TSHZ2: variants seen among roughly 807,000 people sequenced by gnomAD.
TSHZ2 encodes teashirt homolog 2.
In TSHZ2, 21 loss-of-function variants were observed where a neutral mutation model predicts 74.4. That is an observed-to-expected ratio of 0.28 (90% confidence interval 0.20 to 0.41). The LOEUF (loss-of-function observed/expected upper bound fraction) is 0.41, where lower values mean the gene tolerates loss of function less well. Ranked by LOEUF, TSHZ2 falls within the 10% of genes least tolerant of loss-of-function variation. The pLI is 1.00. For missense variants in TSHZ2, 1,244 were observed against 1,293.5 expected (o/e 0.96, Z 0.59); for synonymous variants, 540 against 515.3 (o/e 1.05, Z -0.65).
In TSHZ2 at chr20:53,203,153, C is replaced by T. The variant is rs144799428; in HGVS notation, c.41-50346C>T. 1.9e-3 allele frequency among the ~76,000 whole-genome samples: 284 copies of T among 151,766 alleles called. 8 individuals carry two copies. The East Asian group carries it at 0.051, about 27-fold the overall frequency. Reference sequence around the variant, plus strand: ...AAGCTGAGAGGACAAATGAAGTTCACAGGTGCAAGGCAGAGAACTGGGTCT... The same window carrying T: ...AAGCTGAGAGGACAAATGAAGTTCATAGGTGCAAGGCAGAGAACTGGGTCT... On this transcript the variant is annotated intron_variant, in intron 1 of 2. Coordinates refer to ENST00000371497, the MANE Select transcript of TSHZ2 (RefSeq NM_173485.6).
chr20:53,271,556 G>T (rs1489468980), intron 2 of TSHZ2, among the ~76,000 whole-genome samples: 1 of 152,174 alleles, frequency 6.6e-6, no homozygotes, highest in African/African-American at 2.4e-5. Context: ...AAACCACAAG[G>T]CTTAGCCTCT....
At chr20:53,212,646 C>A (rs1276385306) in intron 1 of TSHZ2, among the ~76,000 whole-genome samples, 1 of 152,140 alleles carries the variant, frequency 6.6e-6, no homozygotes, top group African/African-American at 2.4e-5. Context: ...GGTCTTCTAA[C>A]TGAATAGTGT....
In TSHZ2 at chr20:53,494,671, A is replaced by C. The variant is rs567438069; in HGVS notation, c.*7536A>C. ...TTAAGGAAAATCATTCTACTTTGAG[A>C]ACTGTAATTAAAGCCCTAAATAACA... On this transcript the variant is annotated 3_prime_UTR_variant, in exon 3 of 3. Coordinates refer to ENST00000371497, the MANE Select transcript of TSHZ2 (RefSeq NM_173485.6). 6.6e-6 allele frequency: 1 copy of C among 152,018 alleles called. No homozygotes were observed. Among genetic ancestry groups the C allele is most frequent in the East Asian group, 1.9e-4 (1 of 5,180 alleles). The allele number at this position is 152,018 out of a possible 1,614,324, so 9.4% of individuals were successfully genotyped here.
chr20:53,191,922 T>C (rs1183506887), intron 1 of TSHZ2, among the ~76,000 whole-genome samples: 3 of 152,328 alleles, frequency 2.0e-5, no homozygotes, highest in South Asian at 2.1e-4. Flanking sequence ...CTTTGTCTTT[T>C]TTGGAGGAGA....
At chr20:53,472,971 C>G (rs145025377) in intron 2 of TSHZ2, among the ~76,000 whole-genome samples, 3,227 of 152,008 alleles carry the variant, frequency 0.021, 107 homozygotes, top group African/African-American at 0.074. Context: ...CGGCGCACCA[C>G]GAGATTATAT....
chr20:53,247,732 G>A (rs188294436), intron 1 of TSHZ2, among the ~76,000 whole-genome samples: 3 of 152,212 alleles, frequency 2.0e-5, no homozygotes, highest in South Asian at 2.1e-4. Flanking sequence ...CATTTAGTGC[G>A]GTAGATTGGC....
chr20:53,224,001 G>T (rs556356314), intron 1 of TSHZ2, among the ~76,000 whole-genome samples: 2 of 151,984 alleles, frequency 1.3e-5, no homozygotes, highest in Non-Finnish European at 2.9e-5. Context: ...TACTTCTTGG[G>T]GTGATATTGC....
intron 1 of TSHZ2, among the ~76,000 whole-genome samples, chr20:52,987,552 AC>A (rs747614284): frequency 7.4e-6 from 1 of 135,306 alleles, no homozygotes; most frequent in Non-Finnish European, 1.6e-5. Flanking sequence ...TCTCTCCCCT[AC>A]CCCCAAAATG....
chr20:53,406,377 T>C (rs1441674526), intron 2 of TSHZ2, among the ~76,000 whole-genome samples: 6 of 152,180 alleles, frequency 3.9e-5, no homozygotes, highest in African/African-American at 7.2e-5. Flanking sequence ...TTATTCAAAT[T>C]ACATTTTGAA....
chr20:53,208,060 A>G (rs563226170), intron 1 of TSHZ2, among the ~76,000 whole-genome samples: 241 of 152,150 alleles, frequency 1.6e-3, no homozygotes, highest in African/African-American at 5.6e-3. Flanking sequence ...CAAAAAATCA[A>G]TAAAACAACA....
At chr20:52,988,695 G>A (rs947413795) in intron 1 of TSHZ2, among the ~76,000 whole-genome samples, 2 of 152,114 alleles carry the variant, frequency 1.3e-5, no homozygotes, top group African/African-American at 4.8e-5. Context: ...AATCTCTTAT[G>A]CTATCCATGA....
At chr20:53,231,208 T>C (rs956583814) in intron 1 of TSHZ2, among the ~76,000 whole-genome samples, 2 of 152,160 alleles carry the variant, frequency 1.3e-5, no homozygotes, top group Non-Finnish European at 2.9e-5. Context: ...GAATAAACAG[T>C]TGAGAGGATA....
At chr20:53,157,165 C>A (rs1032421153) in intron 1 of TSHZ2, among the ~76,000 whole-genome samples, 1 of 152,164 alleles carries the variant, frequency 6.6e-6, no homozygotes, top group African/African-American at 2.4e-5. Context: ...CCTCTATGAG[C>A]AAAGAAGCTA....
chr20:53,011,519 A>T (rs1856075555), intron 1 of TSHZ2, among the ~76,000 whole-genome samples: 1 of 152,266 alleles, frequency 6.6e-6, no homozygotes, highest in African/African-American at 2.4e-5. Flanking sequence ...CTAATAGTTC[A>T]GAACTAGCAG....
chr20:53,206,467 G>A (rs868713083), intron 1 of TSHZ2: 1 of 152,176 alleles, frequency 6.6e-6, no homozygotes, highest in African/African-American at 2.4e-5. Flanking sequence ...TGGTCAAAGG[G>A]TTAAAACAAA....
intron 1 of TSHZ2, among the ~76,000 whole-genome samples, chr20:53,249,130 G>A (rs994649367): frequency 1.8e-4 from 28 of 152,150 alleles, no homozygotes; most frequent in African/African-American, 6.3e-4. Context: ...TGTGAGCCTC[G>A]GCACACAGCC....
chr20:53,473,474 C>A (rs74611077), intron 2 of TSHZ2, among the ~76,000 whole-genome samples: 1 of 134,240 alleles, frequency 7.4e-6, no homozygotes, highest in East Asian at 2.4e-4. Flanking sequence ...AACTAACAAA[C>A]AGAATGGACA....
chr20:53,342,959 T>G (rs1413092215), intron 2 of TSHZ2, among the ~76,000 whole-genome samples: 1 of 107,916 alleles, frequency 9.3e-6, no homozygotes, highest in African/African-American at 4.1e-5. Flanking sequence ...TCTTTTCTTT[T>G]TTTTTTTTTT....
chr20:53,253,042 C>A (rs147366755), intron 1 of TSHZ2, among the ~76,000 whole-genome samples: 58 of 151,820 alleles, frequency 3.8e-4, no homozygotes, highest in African/African-American at 1.4e-3. Flanking sequence ...TGGTTATATG[C>A]CAATATATCC....
Sources: gnomAD v4.1 joint callset for allele counts (sites outside exome capture counted in the v4.1 genomes callset) on GRCh38, gnomAD v4.1.1 for gene constraint, MANE v1.5 for transcripts, NCBI Gene and HGNC (gene_info 2026-07-23, HGNC 2026-07-21) for gene names.